PPFIA2: variants seen among roughly 807,000 people sequenced by gnomAD.
The protein encoded by PPFIA2 is PPFI scaffold protein A2.
Under a neutral mutation model 175.5 loss-of-function variants are expected in PPFIA2, and 46 were observed. That is an observed-to-expected ratio of 0.26 (90% CI 0.21 to 0.34). PPFIA2 has a LOEUF of 0.34. PPFIA2 is among the 10% of genes least tolerant of loss of function. The pLI, the probability that PPFIA2 is intolerant of heterozygous loss-of-function variation, is 1.00. For missense variants in PPFIA2, 1,179 were observed against 1,506.1 expected (o/e 0.78, Z 3.60); for synonymous variants, 568 against 511.4 (o/e 1.11, Z -1.49).
chr12:81,458,915 A>C (rs893638641), intron 4 of PPFIA2, among the ~76,000 whole-genome samples: 5 of 152,306 alleles, frequency 3.3e-5, no homozygotes, highest in African/African-American at 1.2e-4. Flanking sequence ...AGTCACTCAG[A>C]AGATTAAAAA....
intron 3 of PPFIA2, among the ~76,000 whole-genome samples, chr12:81,750,076 G>C (rs2083551700): frequency 7.0e-6 from 1 of 143,514 alleles, no homozygotes; most frequent in Non-Finnish European, 1.6e-5. Flanking sequence ...ATAAGAGTAA[G>C]GCACACAGAA....
chr12:81,421,334 C>T (rs750823153), intron 7 of PPFIA2, among the ~76,000 whole-genome samples: 4 of 151,826 alleles, frequency 2.6e-5, no homozygotes. Context: ...GTTAGAGATA[C>T]AAAATTGTTA....
chr12:81,698,496 C>A (rs958966129), intron 3 of PPFIA2, among the ~76,000 whole-genome samples: 4 of 151,968 alleles, frequency 2.6e-5, no homozygotes, highest in African/African-American at 9.7e-5. Context: ...AATAAATTTC[C>A]CTTATTTATA....
At chr12:81,744,432 T>C (rs1249821310) in intron 3 of PPFIA2, among the ~76,000 whole-genome samples, 1 of 150,728 alleles carries the variant, frequency 6.6e-6, no homozygotes, top group Non-Finnish European at 1.5e-5. Flanking sequence ...TTTTTTTTTT[T>C]TTTTTTTTGA....
At chr12:81,479,086 T>C (rs2057860617) in intron 4 of PPFIA2, among the ~76,000 whole-genome samples, 1 of 152,198 alleles carries the variant, frequency 6.6e-6, no homozygotes, top group East Asian at 1.9e-4. Context: ...ACTTGCTGTA[T>C]AAATCTGGGT....
intron 4 of PPFIA2, among the ~76,000 whole-genome samples, chr12:81,618,490 C>T (rs551577937): frequency 7.4e-5 from 11 of 147,794 alleles, no homozygotes; most frequent in Admixed American, 7.4e-4. Context: ...ATTAAAAGAA[C>T]TTTCATTTTA....
At chr12:81,661,602 A>G (rs1291452862) in intron 4 of PPFIA2, among the ~76,000 whole-genome samples, 1 of 152,212 alleles carries the variant, frequency 6.6e-6, no homozygotes, top group Non-Finnish European at 1.5e-5. Flanking sequence ...TAATTATGGG[A>G]GACTTTAACA....
chr12:81,754,394 G>A (rs949633383), intron 2 of PPFIA2, among the ~76,000 whole-genome samples, 171 bp from the exon 3 acceptor site: 4 of 152,132 alleles, frequency 2.6e-5, no homozygotes, highest in African/African-American at 7.2e-5. Context: ...AATGAAATAT[G>A]ATCCATTTAC....
intron 5 of PPFIA2, among the ~76,000 whole-genome samples, chr12:81,449,391 T>C (rs1366303391): frequency 6.6e-6 from 1 of 151,826 alleles, no homozygotes; most frequent in Non-Finnish European, 1.5e-5. Context: ...TTTTTGGATA[T>C]AGATTTGCTT....
intron 4 of PPFIA2, among the ~76,000 whole-genome samples, chr12:81,584,720 T>C (rs1233900330): frequency 6.8e-6 from 1 of 147,584 alleles, no homozygotes; most frequent in Non-Finnish European, 1.5e-5. Flanking sequence ...AGTAATTGTA[T>C]ATCTAAATAT....
intron 4 of PPFIA2, among the ~76,000 whole-genome samples, chr12:81,477,316 G>GA (rs2057605568): frequency 6.6e-6 from 1 of 152,110 alleles, no homozygotes. Context: ...TCAATTATTT[G>GA]AAAAGGCTTT....
In PPFIA2 at chr12:81,281,251, A is replaced by G. The variant is rs778052442; in HGVS notation, c.3212+6T>C. ...TCTTTGGGGAAAAAAAAGAAAAAAC[A>G]CCTACCGATGGAAACTATCCACCAT... On this transcript the variant is annotated splice_donor_region_variant and intron_variant, in intron 27 of 32. Coordinates refer to ENST00000549396, the MANE Select transcript of PPFIA2 (RefSeq NM_003625.5). 2 of 1,556,388 alleles carry G rather than the reference A, an allele frequency of 1.3e-6. No homozygotes were observed. The highest frequency in any genetic ancestry group is 2.4e-5 in the South Asian group (2 of 82,084).
At chr12:81,732,510 T>C (rs992998680) in intron 3 of PPFIA2, among the ~76,000 whole-genome samples, 1 of 105,646 alleles carries the variant, frequency 9.5e-6, no homozygotes, top group African/African-American at 2.7e-5. Context: ...TGATGTTTTT[T>C]TTTAAAAAAA....
intron 4 of PPFIA2, among the ~76,000 whole-genome samples, chr12:81,577,723 G>A (rs1011586214): frequency 5.3e-5 from 8 of 151,772 alleles, no homozygotes; most frequent in African/African-American, 1.7e-4. Context: ...TAGAAAGGCC[G>A]TGTTAGCAGT....
At chr12:81,618,505 C>G (rs2061644698) in intron 4 of PPFIA2, among the ~76,000 whole-genome samples, 1 of 149,208 alleles carries the variant, frequency 6.7e-6, no homozygotes. Context: ...ATTTTAAAAC[C>G]TGCTTTTGAT....
intron 22 of PPFIA2, among the ~76,000 whole-genome samples, chr12:81,313,306 C>T (rs1282084016): frequency 6.6e-6 from 1 of 151,986 alleles, no homozygotes; most frequent in African/African-American, 2.4e-5. Flanking sequence ...GCAGAAATTC[C>T]TATGTCAGAA....
intron 24 of PPFIA2, chr12:81,284,525 GGGATGTAGAT>G (rs1252781357): frequency 3.8e-6 from 2 of 522,448 alleles, no homozygotes; most frequent in African/African-American, 3.8e-5. Context: ...GAAGCTCTTG[GGGATGTAGAT>G]TTAAAATGAC....
intron 22 of PPFIA2, among the ~76,000 whole-genome samples, chr12:81,311,753 G>C (rs78190081): frequency 1.6e-5 from 1 of 63,664 alleles, no homozygotes; most frequent in African/African-American, 9.3e-5. Flanking sequence ...AAAAAAAAAA[G>C]AAAGAAAGAA....
chr12:81,344,753 A>G, intron 18 of PPFIA2, 60 bp from the exon 19 acceptor site: 1 of 1,294,020 alleles, frequency 7.7e-7, no homozygotes, highest in South Asian at 1.4e-5. Flanking sequence ...CAATCATTTG[A>G]CCAAGTTACA....
Sources: gnomAD v4.1 joint callset for allele counts (sites outside exome capture counted in the v4.1 genomes callset) on GRCh38, gnomAD v4.1.1 for gene constraint, MANE v1.5 for transcripts, NCBI Gene and HGNC (gene_info 2026-07-23, HGNC 2026-07-21) for gene names.